Variants in PPP2R1B observed in about 807,000 individuals in gnomAD.
The protein encoded by PPP2R1B is protein phosphatase 2 scaffold subunit Abeta.
In PPP2R1B, 58 loss-of-function variants were observed where a neutral mutation model predicts 72.7. That is an observed-to-expected ratio of 0.80 (90% CI 0.65 to 0.99). PPP2R1B has a LOEUF of 0.99. Ranked by LOEUF, PPP2R1B falls within the 50% of genes least tolerant of loss-of-function variation. The pLI, the probability that PPP2R1B is intolerant of heterozygous loss-of-function variation, is 0.00. For missense variants in PPP2R1B, 695 were observed against 733.6 expected, an observed-to-expected ratio of 0.95 and a Z score of 0.61; for synonymous variants, 256 against 264.6, an observed-to-expected ratio of 0.97 and a Z score of 0.32.
At chr11:111,724,247 A>C, downstream of PPP2R1B, 1 of 1,387,500 alleles carries the variant, frequency 7.2e-7, no homozygotes, top group Non-Finnish European at 9.5e-7. Context: ...GGAGAAATCG[A>C]GCCACCCAAC....
chr11:111,708,524 T>C, the PPP2R1B span, among the ~76,000 whole-genome samples: 2 of 152,174 alleles, frequency 1.3e-5, no homozygotes, highest in Non-Finnish European at 2.9e-5. Flanking sequence ...TTGAGACTAT[T>C]TAGAAAAAAT....
the PPP2R1B span, chr11:111,705,229 T>A: frequency 7.5e-7 from 1 of 1,328,612 alleles, no homozygotes; most frequent in Non-Finnish European, 9.8e-7. This position sits in a 1 kb window ranked among gnomAD's most constrained non-coding sequence, Gnocchi z 4.3. Flanking sequence ...GGTTAGGATT[T>A]CATCCTCTAC....
chr11:111,701,611 A>G, the PPP2R1B span: 1 of 1,609,930 alleles, frequency 6.2e-7, no homozygotes, highest in Non-Finnish European at 8.5e-7. The surrounding 1 kb of genome is among the most constrained non-coding windows in gnomAD (Gnocchi z 4.2). Context: ...GGTGTTTTAC[A>G]GTGTTAGTGC....
Position 111,741,319 on chromosome 11 carries a change from C to T in PPP2R1B, c.*277G>A. On this transcript the variant is annotated 3_prime_UTR_variant, in exon 15 of 15. Coordinates refer to ENST00000527614, the MANE Select transcript of PPP2R1B (RefSeq NM_002716.5). ...GATTCCACAGTGAGGATGCAGGAGC[C>T]CAGGTGGTGATGGATAAAGCATTAG... is the stretch of plus-strand genomic sequence containing the variant. 1.6e-6 allele frequency: 2 copies of T among 1,236,080 alleles called. No individual in the cohort carries two copies. Among genetic ancestry groups the T allele is most frequent in the South Asian group, 4.5e-5 (2 of 44,294 alleles). 76.6% of individuals were successfully genotyped at this position (1,236,080 alleles called of 1,614,324 possible).
chr11:111,727,560 GC>G lies in PPP2R1B; in HGVS notation c.1912-504del, dbSNP rs373513970. The G allele has an allele frequency of 1.3e-3, 208 of 161,336 alleles. 2 individuals are homozygous for G. The highest frequency in any genetic ancestry group is 4.5e-3 in the African/African-American group (189 of 41,822). 10.0% of individuals were successfully genotyped at this position (161,336 alleles called of 1,614,324 possible). On this transcript the variant is annotated intron_variant, in intron 15 of 15. Transcript: ENST00000311129. ...CTGTAGGAGTATCGGCCTCTCCCCTGCCCCCTACCCTCTCTCGTGGACCAAA... is the reference window on the plus strand; with the variant it reads ...CTGTAGGAGTATCGGCCTCTCCCCTGCCCCTACCCTCTCTCGTGGACCAAA...
intron 2 of PPP2R1B, 23 bp downstream of exon 2, chr11:111,765,271 T>C (rs1555052655): frequency 6.3e-7 from 1 of 1,583,932 alleles, no homozygotes; most frequent in East Asian, 2.2e-5. Context: ...TCCCTACCTT[T>C]CTTTAAACAA....
the PPP2R1B span, among the ~76,000 whole-genome samples, chr11:111,694,791 G>A: frequency 9.9e-5 from 15 of 152,088 alleles, no homozygotes; most frequent in Admixed American, 8.5e-4. Context: ...AAAGGGTTTG[G>A]TTTGATTTGA....
At chr11:111,737,209 T>C (rs1944364556), downstream of PPP2R1B, among the ~76,000 whole-genome samples, 3 of 152,174 alleles carry the variant, frequency 2.0e-5, no homozygotes, top group Admixed American at 2.0e-4. Flanking sequence ...GGCCTCAAGC[T>C]ACAAGAGTGA....
intron 4 of PPP2R1B, 125 bp downstream of exon 4, chr11:111,760,694 T>C (rs1945291992): frequency 1.3e-6 from 1 of 784,940 alleles, no homozygotes; most frequent in African/African-American, 1.7e-5. Context: ...TATCCTAGTA[T>C]CAGCCACTCA....
chr11:111,753,611 C>T (rs1555048691), intron 8 of PPP2R1B, 34 bp from the exon 9 acceptor site: 1 of 1,576,452 alleles, frequency 6.3e-7, no homozygotes, highest in African/African-American at 1.4e-5. Flanking sequence ...GCCTTTATTA[C>T]AAGACAACAG....
At chr11:111,757,821 G>C (rs1945179772) in intron 5 of PPP2R1B, among the ~76,000 whole-genome samples, 1 of 146,344 alleles carries the variant, frequency 6.8e-6, no homozygotes, top group African/African-American at 2.6e-5. Context: ...GGCGACAGGA[G>C]TGAAACTCCA....
At chr11:111,752,009 T>G in intron 10 of PPP2R1B, 150 bp downstream of exon 10, 1 of 857,794 alleles carries the variant, frequency 1.2e-6, no homozygotes, top group South Asian at 2.5e-5. Context: ...CTAACAAACA[T>G]AAAAACCATC....
In PPP2R1B at chr11:111,755,323, C is replaced by T. The variant is rs782798694; in HGVS notation, c.815G>A (p.Arg272His). 7.4e-6 allele frequency: 12 copies of T among 1,610,916 alleles called. No homozygotes were observed. Among genetic ancestry groups the T allele is most frequent in the African/African-American group, 4.0e-5 (3 of 74,674 alleles). ...QAAEDKSWRV[R>H]YMVADRFSEL... is the part of the protein sequence containing the mutation. ...TGAAAATCTGTCAGCCACCATATAG[C>T]GAACGCGCCAAGATTTATCTTCTGC... Residue 272 changes from arginine (R) to histidine (H), a missense_variant, in exon 6 of 15, where the codon CGC becomes CAC. Transcript: ENST00000527614.
chr11:111,700,611 T>C, the PPP2R1B span, among the ~76,000 whole-genome samples: 1 of 152,230 alleles, frequency 6.6e-6, no homozygotes, highest in South Asian at 2.1e-4. Flanking sequence ...CTGATTTTCT[T>C]TCACATGATA....
the PPP2R1B span, among the ~76,000 whole-genome samples, chr11:111,717,177 G>T: frequency 0.24 from 36,816 of 151,672 alleles, 4,659 homozygotes; most frequent in Middle Eastern, 0.31. Flanking sequence ...TTAGCCGGGC[G>T]TGGTGATGGG....
At chr11:111,712,355 G>A in the PPP2R1B span, 10 of 1,614,134 alleles carry the variant, frequency 6.2e-6, no homozygotes, top group Non-Finnish European at 8.5e-6. Context: ...CATGGAAGAA[G>A]AGTGTGTGGA....
the PPP2R1B span, among the ~76,000 whole-genome samples, chr11:111,701,930 T>A: frequency 6.6e-6 from 1 of 152,346 alleles, no homozygotes; most frequent in South Asian, 2.1e-4. This position sits in a 1 kb window ranked among gnomAD's most constrained non-coding sequence, Gnocchi z 4.2. Context: ...AAAATTTTTT[T>A]AATTAAATAA....
At chr11:111,747,407 G>GA (rs2136061756) in intron 11 of PPP2R1B, among the ~76,000 whole-genome samples, 1 of 152,326 alleles carries the variant, frequency 6.6e-6, no homozygotes, top group Non-Finnish European at 1.5e-5. Context: ...CAGCAGCAGT[G>GA]AGAGTACAAG....
chr11:111,707,393 A>G, the PPP2R1B span, among the ~76,000 whole-genome samples: 1 of 152,302 alleles, frequency 6.6e-6, no homozygotes, highest in East Asian at 1.9e-4. Context: ...TAGGGTTCAG[A>G]TACATAAACG....
Sources: allele counts gnomAD v4.1 joint callset (sites outside exome capture counted in the v4.1 genomes callset), GRCh38; gene constraint gnomAD v4.1.1; non-coding constraint Gnocchi (gnomAD v3.1); transcripts MANE v1.5; gene names NCBI Gene and HGNC (gene_info 2026-07-23, HGNC 2026-07-21).